The following ZSCAN18 variants were observed in gnomAD, a reference collection of about 807,000 sequenced individuals.
The protein encoded by ZSCAN18 is zinc finger and SCAN domain containing 18, also known as zinc finger and SCAN domain-containing protein 18.
A neutral mutation model predicts 31.1 loss-of-function variants in ZSCAN18; 16 were observed. That is an observed-to-expected ratio of 0.51 (90% CI 0.35 to 0.78). ZSCAN18 has a LOEUF of 0.78. Ranked by LOEUF, ZSCAN18 falls within the 30% of genes least tolerant of loss-of-function variation. The pLI is 0.01. For synonymous variants in ZSCAN18, 375 were observed against 320.7 expected (o/e 1.17, Z -1.81); for missense variants, 731 against 697.4 (o/e 1.05, Z -0.54).
rs1323592852 is a variant in ZSCAN18 at position 58,098,186 on chromosome 19, T to C, written c.-132A>G. 1.0e-6 allele frequency: 1 copy of C among 985,530 alleles called. No homozygotes were observed. The highest frequency in any genetic ancestry group is 1.2e-6 in the Non-Finnish European group (1 of 830,022). The allele number at this position is 985,530 out of a possible 1,614,324, so 61.0% of individuals were successfully genotyped here. A position where few individuals can be genotyped will look rare whatever the true frequency, so the allele number is the denominator to read the frequency against. On this transcript the variant is annotated 5_prime_UTR_variant, in exon 1 of 7. Coordinates refer to ENST00000601144, the MANE Select transcript of ZSCAN18 (RefSeq NM_001145543.2). The stretch of plus-strand genomic sequence containing the variant: ...GGGACCGACCCACCTGCTGCGCAGC[T>C]ACCCCAGGCCGGTCCCAGCCGCCCG...
At chr19:58,116,914 A>T (rs2074734807) in intron 1 of ZSCAN18, among the ~76,000 whole-genome samples, 1 of 152,142 alleles carries the variant, frequency 6.6e-6, no homozygotes, top group African/African-American at 2.4e-5. Flanking sequence ...TTTTTGAGAC[A>T]GAGTCTCGCT....
chr19:58,114,371 T>C (rs764015100), intron 1 of ZSCAN18, among the ~76,000 whole-genome samples: 7 of 152,218 alleles, frequency 4.6e-5, no homozygotes, highest in Admixed American at 6.5e-5. Context: ...CTCATTTTCT[T>C]AGGTGTGATA....
At position 58,085,403 on chromosome 19, in the gene ZSCAN18, C is replaced by T. The variant is rs772788322; in HGVS notation, c.839-24G>A. ...TTCTGGAACAAGGTCAGAGCCCTAG[C>T]GTGAGCGCCCCGCCCAGGGCCAGGG... On this transcript the variant is annotated intron_variant, in intron 6 of 6. Transcript: ENST00000601144. The T allele has an allele frequency of 1.5e-5, 24 of 1,550,632 alleles. No homozygotes were observed. In the Admixed American group the frequency reaches 2.2e-4, roughly 14 times the overall value.
upstream of ZSCAN18, among the ~76,000 whole-genome samples, chr19:58,099,073 C>A (rs1365670878): frequency 6.6e-6 from 1 of 152,124 alleles, no homozygotes; most frequent in Non-Finnish European, 1.5e-5. Flanking sequence ...TATGAGGATG[C>A]CATTTTGGTC....
At chr19:58,091,045 G>A (rs1292168507) in intron 1 of ZSCAN18, among the ~76,000 whole-genome samples, 1 of 151,568 alleles carries the variant, frequency 6.6e-6, no homozygotes, top group Non-Finnish European at 1.5e-5. Context: ...TGAGATGGGT[G>A]GATAACCTGA....
chr19:58,094,869 C>T lies in ZSCAN18; in HGVS notation c.-120+3305G>A, dbSNP rs1469053518. On this transcript the variant is annotated intron_variant, in intron 1 of 6. Transcript: ENST00000601144. Reference sequence around the variant, plus strand: ...TTGCAGCCTGGGTAACAGAGTGAGACCCTGTCGCAAAAAAAAAAAAAAAAA... The same window carrying T: ...TTGCAGCCTGGGTAACAGAGTGAGATCCTGTCGCAAAAAAAAAAAAAAAAA... 3.8e-5 allele frequency among the ~76,000 whole-genome samples: 4 copies of T among 105,826 alleles called. No homozygotes were observed. The Admixed American group carries it at 4.1e-4, about 11-fold the overall frequency. 69.4% of individuals were successfully genotyped at this position (105,826 alleles called of 152,430 possible).
At position 58,086,275 on chromosome 19, in the gene ZSCAN18, G is replaced by C. The variant is rs764940546; in HGVS notation, c.746-9C>G. 7.4e-6 allele frequency: 12 copies of C among 1,612,458 alleles called. No individual in the cohort carries two copies. The African/African-American group carries it at 1.6e-4, about 22-fold the overall frequency. ...CTGGGAAAGCTGATACCCTGAGTGG[G>C]GTTAAAAACCAAAGAAATAAAAGGC... On this transcript the variant is annotated splice_polypyrimidine_tract_variant and intron_variant, in intron 5 of 6. Coordinates refer to ENST00000601144, the MANE Select transcript of ZSCAN18 (RefSeq NM_001145543.2).
chr19:58,084,935 A>G lies in ZSCAN18; in HGVS notation c.1283T>C (p.Leu428Pro). The part of the protein sequence containing the change: ...CGEAFAWLSH[L>P]MEHHSSHGGR... ...GCCATGGCTGCTGTGGTGCTCCATC[A>G]GGTGCGAGAGCCACGCGAAGGCCTC... The change falls in exon 7 of 7, where the codon CTG becomes CCG. Residue 428 changes from leucine to proline, a missense_variant. This residue lies in a region of ZSCAN18 where 597 missense variants were observed against 499.5 expected (regional missense o/e 1.20). Coordinates refer to ENST00000601144, the MANE Select transcript of ZSCAN18 (RefSeq NM_001145543.2). The surrounding 1 kb of genome is among the most constrained non-coding windows in gnomAD (Gnocchi z 4.5). 1 of 1,597,162 alleles carries G rather than the reference A, an allele frequency of 6.3e-7. No homozygotes were observed. Among genetic ancestry groups the G allele is most frequent in the Non-Finnish European group, 8.5e-7 (1 of 1,174,152 alleles).
At chr19:58,106,761 GTTTTTTT>G (rs71188081) in intron 1 of ZSCAN18, among the ~76,000 whole-genome samples, 25,693 of 60,518 alleles carry the variant, frequency 0.42, 6,351 homozygotes, top group Non-Finnish European at 0.57. Flanking sequence ...TGTTTTTTTT[GTTTTTTT>G]GTTTTTTTTT....
At position 58,088,813 on chromosome 19, in the gene ZSCAN18, C is replaced by T. The variant is rs928932256; in HGVS notation, c.428G>A (p.Gly143Asp). The T allele has an allele frequency of 1.2e-6, 2 of 1,612,578 alleles. No homozygotes were observed. Among genetic ancestry groups the T allele is most frequent in the Admixed American group, 3.3e-5 (2 of 60,012 alleles). Residue 143 changes from glycine (G) to aspartate (D), a missense_variant, in exon 3 of 7, where the codon GGC (glycine) becomes GAC (aspartate). This residue lies in a region of ZSCAN18 where 46 missense variants were observed against 60.6 expected (regional missense o/e 0.76). Transcript: ENST00000601144. ...TCCATCGCTAAGAATTGAGGATGAG[C>T]CCGCAGGGGAGCCCAGCAGCATCCC... ...EPGMLLGSPA[G>D]SSSILSDGVY...
intron 6 of ZSCAN18, 30 bp downstream of exon 6, chr19:58,086,144 G>A (rs146909988): frequency 3.9e-5 from 63 of 1,607,284 alleles, no homozygotes; most frequent in Non-Finnish European, 4.9e-5. Context: ...AACCCCACCC[G>A]GCCCTAACAC....
At chr19:58,111,060 C>A (rs547039639) in intron 1 of ZSCAN18, among the ~76,000 whole-genome samples, 1 of 151,672 alleles carries the variant, frequency 6.6e-6, no homozygotes, top group Non-Finnish European at 1.5e-5. Flanking sequence ...CCCAGCTACT[C>A]GGGAGGCTGA....
chr19:58,109,617 AC>A (rs1465226516), intron 1 of ZSCAN18, among the ~76,000 whole-genome samples: 1 of 152,220 alleles, frequency 6.6e-6, no homozygotes, highest in African/African-American at 2.4e-5. Flanking sequence ...CTAAGAGTAC[AC>A]AAAAATATGG....
intron 1 of ZSCAN18, among the ~76,000 whole-genome samples, chr19:58,116,056 G>A (rs1429142610): frequency 3.3e-5 from 5 of 151,030 alleles, no homozygotes; most frequent in Non-Finnish European, 7.4e-5. Context: ...GCTTCACCTA[G>A]TACAAGGTTG....
intron 1 of ZSCAN18, among the ~76,000 whole-genome samples, chr19:58,112,546 G>A (rs939662914): frequency 5.3e-5 from 8 of 152,032 alleles, no homozygotes; most frequent in African/African-American, 1.9e-4. Context: ...AGCTACTCGG[G>A]AAGCTGAGGC....
rs1033027208 is a variant in ZSCAN18, at chr19:58,107,207, A to C, written c.130+11060T>G. Among the ~76,000 whole-genome samples the C allele has an allele frequency of 2.6e-5, 4 of 152,172 alleles. No individual in the cohort carries two copies. The East Asian group carries it at 7.7e-4, about 29-fold the overall frequency. ...TTCATCACAGCTCTTGTCAACAAGC[A>C]GCCATATTTTGAAAGGAATCTTTAT... On this transcript the variant is annotated intron_variant, in intron 1 of 1. Coordinates refer to the ZSCAN18 transcript ENST00000595721.
intron 1 of ZSCAN18, among the ~76,000 whole-genome samples, chr19:58,109,660 G>A (rs2074663788): frequency 6.6e-6 from 1 of 152,090 alleles, no homozygotes; most frequent in Admixed American, 6.6e-5. Flanking sequence ...TTTGAAAGAG[G>A]AAGTATATAT....
chr19:58,084,821 T>C lies in ZSCAN18; in HGVS notation c.1397A>G (p.Glu466Gly). 1.3e-6 allele frequency: 2 copies of C among 1,593,446 alleles called. No homozygotes were observed. Among genetic ancestry groups the C allele is most frequent in the Non-Finnish European group, 1.7e-6 (2 of 1,173,356 alleles). ...GGCGCCCCCCAGCGCGTAGCTTTTC[T>C]CCTTCTCGTGGGTCTTCTGGTGCTC... ...LAEHQKTHEK[E>G]KSYALGGARG... Residue 466 changes from glutamate (E) to glycine (G), a missense_variant, in exon 7 of 7, where the codon GAG (glutamate) becomes GGG (glycine). Glu to Gly is a moderately conservative substitution (Grantham distance 98). This residue lies in a region of ZSCAN18 where 597 missense variants were observed against 499.5 expected (regional missense o/e 1.20). Coordinates refer to ENST00000601144, the MANE Select transcript of ZSCAN18 (RefSeq NM_001145543.2). This position sits in a 1 kb window ranked among gnomAD's most constrained non-coding sequence, Gnocchi z 4.5.
rs1234683479 is a variant in ZSCAN18, at chr19:58,085,357, G to A, written c.861C>T (p.Ser287=). The A allele has an allele frequency of 5.0e-6, 8 of 1,591,472 alleles. No homozygotes were observed. Among genetic ancestry groups the A allele is most frequent in the Non-Finnish European group, 6.8e-6 (8 of 1,177,206 alleles). The part of the protein sequence containing the change: ...SLPEGGRRQE[S]AGCACEEAAP... The stretch of plus-strand genomic sequence containing the variant: ...CGGCCTCCTCGCAGGCGCACCCAGC[G>A]CTCTCCTGCCGCCTCCCGCCTTCTG... The change falls in exon 7 of 7, where the codon AGC becomes AGT. Residue 287 remains serine (S), a synonymous_variant. Transcript: ENST00000601144.
Sources: gnomAD v4.1 joint callset for allele counts (sites outside exome capture counted in the v4.1 genomes callset) on GRCh38, gnomAD v4.1.1 for gene constraint, gnomAD v4.1.1 regional missense constraint, Gnocchi (gnomAD v3.1) non-coding constraint, MANE v1.5 for transcripts, NCBI Gene and HGNC (gene_info 2026-07-23, HGNC 2026-07-21) for gene names.